ANGPT2: variants seen among roughly 807,000 people sequenced by gnomAD.
The protein encoded by ANGPT2 is angiopoietin-2.
A neutral mutation model predicts 62.9 loss-of-function variants in ANGPT2; 28 were observed. The ratio of observed to expected loss-of-function variants is 0.44; its 90% CI spans 0.33 to 0.61. ANGPT2 has a LOEUF of 0.61. Ranked by LOEUF, ANGPT2 falls within the 20% of genes least tolerant of loss-of-function variation. The probability of loss-of-function intolerance (pLI) is 0.03; values close to 1 mark genes in which losing one functional copy is unlikely to be tolerated. For missense variants in ANGPT2, 727 were observed against 594.9 expected (o/e 1.22, Z -2.31); for synonymous variants, 284 against 207.8 (o/e 1.37, Z -3.15).
At position 6,501,787 on chromosome 8, in the gene ANGPT2, C is replaced by G. The variant is rs1221829620; in HGVS notation, c.*1314G>C. 6.6e-6 allele frequency: 1 copy of G among 152,174 alleles called. No individual in the cohort carries two copies. Among genetic ancestry groups the G allele is most frequent in the South Asian group, 2.1e-4 (1 of 4,828 alleles). 9.4% of individuals were successfully genotyped at this position (152,174 alleles called of 1,614,324 possible). On this transcript the variant is annotated 3_prime_UTR_variant, in exon 9 of 9. Coordinates refer to ENST00000629816, the MANE Select transcript of ANGPT2 (RefSeq NM_001118887.2). ...GTCCAGGCTGGTCTTGAACTCCTGACCTCAGGTGATCTGCCCACCTTGCCT... is the reference window on the plus strand; with the variant it reads ...GTCCAGGCTGGTCTTGAACTCCTGAGCTCAGGTGATCTGCCCACCTTGCCT...
intron 3 of ANGPT2, 26 bp downstream of exon 3, chr8:6,527,529 T>C: frequency 1.9e-6 from 3 of 1,608,926 alleles, no homozygotes; most frequent in Non-Finnish European, 2.5e-6. Context: ...AGTCCTGAAT[T>C]ATAAATGTTT....
At chr8:6,550,387 G>C (rs1411763719) in intron 1 of ANGPT2, among the ~76,000 whole-genome samples, 2 of 152,218 alleles carry the variant, frequency 1.3e-5, no homozygotes, top group African/African-American at 4.8e-5. Context: ...GCTGCACCCA[G>C]ACACGTGCGG....
rs1750983171 is a variant in ANGPT2 at position 6,500,743 on chromosome 8, A to C, written c.*2358T>G. ...AGAGACAAAAGCTCCTCTCAGCAAA[A>C]CTGTTTGTTTGAAATACCGTGTAAG... On this transcript the variant is annotated 3_prime_UTR_variant, in exon 9 of 9. Transcript: ENST00000629816. 6.6e-6 allele frequency: 1 copy of C among 152,190 alleles called. No individual in the cohort carries two copies. The allele number at this position is 152,190 out of a possible 1,614,324, so 9.4% of individuals were successfully genotyped here. A position where few individuals can be genotyped will look rare whatever the true frequency, so the allele number is the denominator to read the frequency against.
chr8:6,555,290 T>G (rs1392234292), intron 1 of ANGPT2, among the ~76,000 whole-genome samples: 1 of 152,196 alleles, frequency 6.6e-6, no homozygotes, highest in South Asian at 2.1e-4. Flanking sequence ...CACATGGAAC[T>G]TCCCTGAGGC....
chr8:6,540,181 A>T (rs1426827929), intron 1 of ANGPT2, among the ~76,000 whole-genome samples: 1 of 151,938 alleles, frequency 6.6e-6, no homozygotes. Context: ...CTTTGCATTA[A>T]TTTTTTTCAC....
chr8:6,549,301 C>T (rs1823167303), intron 1 of ANGPT2, among the ~76,000 whole-genome samples: 1 of 152,208 alleles, frequency 6.6e-6, no homozygotes, highest in South Asian at 2.1e-4. Flanking sequence ...CTTTAACATG[C>T]ACAACAACAT....
chr8:6,538,270 T>C (rs1820869284), intron 1 of ANGPT2, among the ~76,000 whole-genome samples: 1 of 152,102 alleles, frequency 6.6e-6, no homozygotes, highest in Non-Finnish European at 1.5e-5. Context: ...CAACCATCTG[T>C]CTTACACACA....
chr8:6,562,459 AC>A (rs1445578312), intron 1 of ANGPT2, among the ~76,000 whole-genome samples, 187 bp downstream of exon 1: 3 of 150,034 alleles, frequency 2.0e-5, no homozygotes, highest in Non-Finnish European at 4.4e-5. Context: ...CCCGGGGACT[AC>A]CCACACACCC....
At chr8:6,534,747 C>G (rs1012779510) in intron 1 of ANGPT2, among the ~76,000 whole-genome samples, 3 of 152,164 alleles carry the variant, frequency 2.0e-5, no homozygotes, top group Non-Finnish European at 4.4e-5. Context: ...TCTTACTAAC[C>G]GTTTCTCAGA....
chr8:6,509,798 C>T (rs905630380), intron 7 of ANGPT2, among the ~76,000 whole-genome samples: 4 of 152,174 alleles, frequency 2.6e-5, no homozygotes, highest in African/African-American at 9.7e-5. Flanking sequence ...CTTAAATGTG[C>T]TCGGAACACT....
chr8:6,556,455 C>A (rs188933760), intron 1 of ANGPT2, among the ~76,000 whole-genome samples: 212 of 152,174 alleles, frequency 1.4e-3, no homozygotes, highest in African/African-American at 4.8e-3. Context: ...ATCATCCCCA[C>A]CCCACAGTCC....
At chr8:6,551,222 A>G (rs1823595236) in intron 1 of ANGPT2, among the ~76,000 whole-genome samples, 1 of 148,748 alleles carries the variant, frequency 6.7e-6, no homozygotes, top group Non-Finnish European at 1.5e-5. Context: ...AGGGCTGCTT[A>G]TTCGTGATTT....
At chr8:6,561,733 T>C (rs1825573229) in intron 1 of ANGPT2, among the ~76,000 whole-genome samples, 1 of 152,230 alleles carries the variant, frequency 6.6e-6, no homozygotes, top group Non-Finnish European at 1.5e-5. Flanking sequence ...TAAAGAAAAT[T>C]CCAGGTTCGT....
chr8:6,536,060 A>G (rs1563084860), intron 1 of ANGPT2, among the ~76,000 whole-genome samples: 1 of 152,188 alleles, frequency 6.6e-6, no homozygotes, highest in Non-Finnish European at 1.5e-5. Context: ...TTGTCTCAAA[A>G]AAAGAAAAAA....
At chr8:6,527,416 TCTC>T in intron 3 of ANGPT2, 136 bp downstream of exon 3, 1 of 1,025,062 alleles carries the variant, frequency 9.8e-7, no homozygotes. Context: ...CCCTCTCCCT[TCTC>T]CTCCCTCATG....
At chr8:6,555,100 C>G (rs1476410181) in intron 1 of ANGPT2, among the ~76,000 whole-genome samples, 2 of 152,130 alleles carry the variant, frequency 1.3e-5, no homozygotes, top group South Asian at 2.1e-4. Flanking sequence ...TTCTAAACCA[C>G]TACCCATGAT....
At chr8:6,548,305 G>A (rs570961430) in intron 1 of ANGPT2, among the ~76,000 whole-genome samples, 5 of 152,190 alleles carry the variant, frequency 3.3e-5, no homozygotes, top group Non-Finnish European at 2.9e-5. Flanking sequence ...GACTCTACTC[G>A]TGCGTCACTT....
rs562258204 is a variant in ANGPT2 at position 6,521,159 on chromosome 8, G to T, written c.799+19C>A. 5 of 1,597,816 alleles carry T rather than the reference G, an allele frequency of 3.1e-6. No homozygotes were observed. The East Asian group carries it at 1.1e-4, about 36-fold the overall frequency. On this transcript the variant is annotated intron_variant, in intron 4 of 8. Transcript: ENST00000629816. ...CTAAAGGTTATTAACGCTGAAGAAA[G>T]CATGATATGTAAACTTACAGTTTGA... is the stretch of plus-strand genomic sequence containing the variant.
chr8:6,553,794 G>A (rs1012010469), intron 1 of ANGPT2, among the ~76,000 whole-genome samples: 6 of 152,140 alleles, frequency 3.9e-5, no homozygotes, highest in South Asian at 4.2e-4. Flanking sequence ...GCAGAAAAGC[G>A]AATGTCAGAC....
Sources: gnomAD v4.1 joint callset for allele counts (sites outside exome capture counted in the v4.1 genomes callset) on GRCh38, gnomAD v4.1.1 for gene constraint, MANE v1.5 for transcripts, NCBI Gene and HGNC (gene_info 2026-07-23, HGNC 2026-07-21) for gene names.